The following CIITA variants were observed in gnomAD, a reference collection of about 807,000 sequenced individuals.
The protein encoded by CIITA is class II major histocompatibility complex transactivator.
In CIITA, 72 loss-of-function variants were observed where a neutral mutation model predicts 115.1. The observed-to-expected ratio is 0.63, with a 90% CI of 0.52 to 0.76. The LOEUF (loss-of-function observed/expected upper bound fraction) is 0.76. Ranked by LOEUF, CIITA falls within the 30% of genes least tolerant of loss-of-function variation. CIITA has a pLI of 0.00. For synonymous variants in CIITA, 763 were observed against 635.6 expected (o/e 1.20, Z -3.02); for missense variants, 1,617 against 1,463.8 (o/e 1.10, Z -1.71).
rs2040517298 is a variant in CIITA at position 10,925,998 on chromosome 16, G to A, written c.*2143G>A. ...CCGCTTTCTACCCAGCGAGCTGCCGGCACGACTGTTGCTTTTCACTCGGGC... is the reference window on the plus strand; with the variant it reads ...CCGCTTTCTACCCAGCGAGCTGCCGACACGACTGTTGCTTTTCACTCGGGC... On this transcript the variant is annotated 3_prime_UTR_variant, in exon 20 of 20. Transcript: ENST00000324288. 6.6e-6 allele frequency: 1 copy of A among 152,226 alleles called. No homozygotes were observed. Among genetic ancestry groups the A allele is most frequent in the South Asian group, 2.1e-4 (1 of 4,832 alleles). 9.4% of individuals were successfully genotyped at this position (152,226 alleles called of 1,614,324 possible).
chr16:10,872,451 C>A (rs1462267013), upstream of CIITA, among the ~76,000 whole-genome samples: 1 of 152,162 alleles, frequency 6.6e-6, no homozygotes, highest in African/African-American at 2.4e-5. Context: ...TGGTAATCTA[C>A]TTCTCAATTT....
chr16:10,897,010 G>A (rs906947177), intron 3 of CIITA, among the ~76,000 whole-genome samples: 1 of 152,234 alleles, frequency 6.6e-6, no homozygotes, highest in Non-Finnish European at 1.5e-5. Flanking sequence ...AGTCATTAAG[G>A]ATTTGGGCAT....
At position 10,930,510 on chromosome 16, in the gene CIITA, T is replaced by A. The variant is rs1185737487; in HGVS notation, c.*6655T>A. ...AACTGTTTCCATTGAGACCCATGCA[T>A]CGTATAGGATAAGAAACTGAGGTTC... On this transcript the variant is annotated 3_prime_UTR_variant, in exon 20 of 20. Transcript: ENST00000324288. The A allele has an allele frequency of 6.6e-6, 1 of 152,168 alleles. No homozygotes were observed. Among genetic ancestry groups the A allele is most frequent in the African/African-American group, 2.4e-5 (1 of 41,424 alleles). The allele number at this position is 152,168 out of a possible 1,614,324, so 9.4% of individuals were successfully genotyped here.
At chr16:10,897,045 C>T (rs1248534385) in intron 3 of CIITA, among the ~76,000 whole-genome samples, 2 of 152,204 alleles carry the variant, frequency 1.3e-5, no homozygotes, top group Non-Finnish European at 2.9e-5. Flanking sequence ...GTGTTTTTCT[C>T]CCCCCTTAGT....
chr16:10,884,591 C>A (rs1265659910), intron 1 of CIITA, among the ~76,000 whole-genome samples: 2 of 151,970 alleles, frequency 1.3e-5, no homozygotes, highest in Non-Finnish European at 2.9e-5. Flanking sequence ...ATTTTTGTAT[C>A]TTTTATTTCT....
chr16:10,894,106 C>T (rs1182251795), intron 1 of CIITA, among the ~76,000 whole-genome samples: 2 of 152,210 alleles, frequency 1.3e-5, no homozygotes, highest in African/African-American at 4.8e-5. Context: ...CCTGTCTCAG[C>T]CTCCCAAAGT....
chr16:10,887,337 C>T (rs2037058076), intron 1 of CIITA, among the ~76,000 whole-genome samples: 1 of 152,094 alleles, frequency 6.6e-6, no homozygotes, highest in African/African-American at 2.4e-5. Flanking sequence ...CTCCAACACT[C>T]GTTGAAACGG....
chr16:10,911,884 A>T (rs758123008), intron 13 of CIITA, among the ~76,000 whole-genome samples: 1 of 151,936 alleles, frequency 6.6e-6, no homozygotes, highest in African/African-American at 2.4e-5. Flanking sequence ...CTCACCTTCC[A>T]TCTCAATTAT....
At chr16:10,882,194 T>C (rs1272673241) in intron 1 of CIITA, among the ~76,000 whole-genome samples, 4 of 152,234 alleles carry the variant, frequency 2.6e-5, no homozygotes, top group Non-Finnish European at 5.9e-5. Flanking sequence ...AATCGGTCTA[T>C]TTAAGTTTCT....
chr16:10,937,402 G>C (rs1420542605), downstream of CIITA: 1 of 152,386 alleles, frequency 6.6e-6, no homozygotes, highest in Non-Finnish European at 1.5e-5. This position sits in a 1 kb window ranked among gnomAD's most constrained non-coding sequence, Gnocchi z 4.2. Flanking sequence ...CGGCACAGGG[G>C]TTCTGCTGAT....
At chr16:10,893,163 C>G (rs754319755) in intron 1 of CIITA, among the ~76,000 whole-genome samples, 1 of 152,124 alleles carries the variant, frequency 6.6e-6, no homozygotes, top group East Asian at 1.9e-4. Context: ...ATTCTCCCCT[C>G]GAGCCTCCAG....
intron 17 of CIITA, 27 bp downstream of exon 17, chr16:10,922,277 T>A (rs377640799): frequency 6.2e-7 from 1 of 1,610,300 alleles, no homozygotes; most frequent in South Asian, 1.1e-5. Context: ...GGGCGGTGGG[T>A]GGCTCAGCCC....
intron 13 of CIITA, among the ~76,000 whole-genome samples, chr16:10,911,774 C>T (rs1180955199): frequency 1.3e-5 from 2 of 151,978 alleles, no homozygotes; most frequent in African/African-American, 2.4e-5. Flanking sequence ...TGGTCTCGAG[C>T]TCCTGGGCTC....
At position 10,889,506 on chromosome 16, in the gene CIITA, CTTTTTTG is replaced by C. The variant is rs369025433; in HGVS notation, c.53-5755_53-5749del. Among the ~76,000 whole-genome samples, 21 of 151,830 alleles carry C rather than the reference CTTTTTTG, an allele frequency of 1.4e-4. 1 individual carries two copies. Among genetic ancestry groups the C allele is most frequent in the African/African-American group, 2.4e-4 (10 of 41,284 alleles). On this transcript the variant is annotated intron_variant, in intron 1 of 19. Coordinates refer to ENST00000324288, the MANE Select transcript of CIITA (RefSeq NM_000246.4). ...CCTTCTGATGATCCTGCAGGACAAT[CTTTTTTG>C]TTTTTTGTTTTTTGTTTTTTTTTTG...
At position 10,871,471 on chromosome 16, in the gene CIITA, T is replaced by C. The variant is rs113876239; in HGVS notation, c.-21+5152T>C. Reference sequence around the variant, plus strand: ...ACTCTACTTTGTTGGTTGTTTTTGTTGTTCTGATTTCATTGCGTGACATTT... The same window carrying C: ...ACTCTACTTTGTTGGTTGTTTTTGTCGTTCTGATTTCATTGCGTGACATTT... On this transcript the variant is annotated intron_variant, in intron 1 of 5. Coordinates refer to the CIITA transcript ENST00000636238. 6.0e-3 allele frequency among the ~76,000 whole-genome samples: 918 copies of C among 152,360 alleles called. 8 individuals are homozygous for C. The highest frequency in any genetic ancestry group is 0.02 in the African/African-American group (852 of 41,586).
intron 10 of CIITA, among the ~76,000 whole-genome samples, chr16:10,905,450 A>G (rs1248627282): frequency 6.6e-6 from 1 of 152,184 alleles, no homozygotes; most frequent in East Asian, 1.9e-4. Context: ...GAAAAAGCTT[A>G]GTGAGTAAAT....
rs867412282 is a variant in CIITA, at chr16:10,941,596, T to G, written n.722T>G. 17 of 1,480,996 alleles carry G rather than the reference T, an allele frequency of 1.1e-5. 1 individual carries two copies. In the South Asian group the frequency reaches 2.3e-4, roughly 20 times the overall value. The allele number at this position is 1,480,996 out of a possible 1,614,324, so 91.7% of individuals were successfully genotyped here. A position where few individuals can be genotyped will look rare whatever the true frequency, so the allele number is the denominator to read the frequency against. ...GCCTCGGAGGCAGGGGAGGGTCTCC[T>G]CCTGGGGAACCATCCCCGTCCAGAT... is the stretch of plus-strand genomic sequence containing the variant. On this transcript the variant is annotated non_coding_transcript_exon_variant, in exon 2 of 2. Coordinates refer to the CIITA transcript ENST00000573379. This position sits in a 1 kb window ranked among gnomAD's most constrained non-coding sequence, Gnocchi z 6.4.
chr16:10,925,850 G>A lies in CIITA; in HGVS notation c.*1995G>A, dbSNP rs1037068407. 6.6e-6 allele frequency: 1 copy of A among 152,232 alleles called. No homozygotes were observed. Among genetic ancestry groups the A allele is most frequent in the Admixed American group, 6.5e-5 (1 of 15,286 alleles). 9.4% of individuals were successfully genotyped at this position (152,232 alleles called of 1,614,324 possible). On this transcript the variant is annotated 3_prime_UTR_variant, in exon 20 of 20. Coordinates refer to ENST00000324288, the MANE Select transcript of CIITA (RefSeq NM_000246.4). ...GATGAGAAAGGTTGAAGCACCAAAA[G>A]CTTACCAAGGGGAATGTTTGCCTCT... is the stretch of plus-strand genomic sequence containing the variant.
Position 10,907,055 on chromosome 16 carries a change from G to A in CIITA, c.1563G>A (p.Glu521=), listed in dbSNP as rs749129218. The change falls in exon 11 of 20, where the codon GAG becomes GAA. Residue 521 remains glutamate, a synonymous_variant. Coordinates refer to ENST00000324288, the MANE Select transcript of CIITA (RefSeq NM_000246.4). The surrounding 1 kb of genome is among the most constrained non-coding windows in gnomAD (Gnocchi z 5.0). ...GCACGTGCGGACCGGCACCGGCGGA[G>A]CCCTGCTCCCTCCGGGGGCTGCTGG... ...LHSTCGPAPA[E]PCSLRGLLAG... is the part of the protein sequence containing the mutation. The A allele has an allele frequency of 2.6e-5, 41 of 1,607,314 alleles. No individual in the cohort carries two copies. The highest frequency in any genetic ancestry group is 3.3e-5 in the Non-Finnish European group (39 of 1,179,966).
Sources: allele counts gnomAD v4.1 joint callset (sites outside exome capture counted in the v4.1 genomes callset), GRCh38; gene constraint gnomAD v4.1.1; non-coding constraint Gnocchi (gnomAD v3.1); transcripts MANE v1.5; gene names NCBI Gene and HGNC (gene_info 2026-07-23, HGNC 2026-07-21).